The following DYNC1I1 variants were observed in gnomAD, a reference collection of about 807,000 sequenced individuals.
The protein encoded by DYNC1I1 is cytoplasmic dynein 1 intermediate chain 1.
In DYNC1I1, 43 loss-of-function variants were observed where a neutral mutation model predicts 86.6. The ratio of observed to expected loss-of-function variants is 0.50; its 90% confidence interval spans 0.39 to 0.64. DYNC1I1 has a LOEUF of 0.64. Among genes scored for constraint, DYNC1I1 ranks in the 30% least tolerant of loss-of-function variants. The pLI is 0.00. For synonymous variants in DYNC1I1, 262 were observed against 283.7 expected (o/e 0.92, Z 0.77); for missense variants, 604 against 788.8 (o/e 0.77, Z 2.81).
intron 1 of DYNC1I1, among the ~76,000 whole-genome samples, chr7:95,790,532 A>G (rs1043657474): frequency 2.0e-5 from 3 of 152,212 alleles, no homozygotes; most frequent in African/African-American, 7.2e-5. Context: ...TCTTGTGAGC[A>G]AGGTGGTAAC....
chr7:95,987,023 C>T (rs1264641433), intron 8 of DYNC1I1, 33 bp from the exon 9 acceptor site: 26 of 1,591,152 alleles, frequency 1.6e-5, no homozygotes, highest in Non-Finnish European at 2.2e-5. Context: ...AGAAAGAGCT[C>T]CATATTTATC....
intron 7 of DYNC1I1, among the ~76,000 whole-genome samples, chr7:95,982,039 T>A (rs149170157): frequency 6.6e-6 from 1 of 152,174 alleles, no homozygotes; most frequent in South Asian, 2.1e-4. Flanking sequence ...GAGGTTTTTA[T>A]CTCTGAATAC....
intron 9 of DYNC1I1, among the ~76,000 whole-genome samples, chr7:95,989,954 A>C (rs541479535): frequency 6.6e-6 from 1 of 152,186 alleles, no homozygotes; most frequent in Non-Finnish European, 1.5e-5. Flanking sequence ...TTAAGAAAGA[A>C]GAGAGATAGA....
chr7:95,894,467 G>A (rs372359050), intron 6 of DYNC1I1, among the ~76,000 whole-genome samples: 2 of 146,470 alleles, frequency 1.4e-5, no homozygotes, highest in East Asian at 4.0e-4. Flanking sequence ...TTGGGGGGGG[G>A]ACATAAACAT....
chr7:95,931,380 C>A (rs895225415), intron 6 of DYNC1I1, among the ~76,000 whole-genome samples: 2 of 152,154 alleles, frequency 1.3e-5, no homozygotes, highest in African/African-American at 4.8e-5. Flanking sequence ...AAACTCCTGG[C>A]CTCAAGTGAT....
chr7:95,825,288 G>C (rs997101226), intron 4 of DYNC1I1, among the ~76,000 whole-genome samples: 1 of 152,154 alleles, frequency 6.6e-6, no homozygotes, highest in Non-Finnish European at 1.5e-5. Context: ...ATAAGTATCA[G>C]AAGAGCCAGA....
rs776722871 is a variant in DYNC1I1, at chr7:96,039,301, T to C, written c.1389T>C (p.Phe463=). Reference sequence around the variant, plus strand: ...GCAAAGCAGGTATTGGTGAGGTCTTTGAAGGTCACCAAGGGCCAGTGACAG... The same window carrying C: ...GCAAAGCAGGTATTGGTGAGGTCTTCGAAGGTCACCAAGGGCCAGTGACAG... ...HGSKAGIGEV[F]EGHQGPVTGI... The change falls in exon 14 of 17, where the codon TTT becomes TTC. Residue 463 remains phenylalanine, a synonymous_variant. Transcript: ENST00000447467. The C allele has an allele frequency of 4.3e-6, 7 of 1,613,952 alleles. No individual in the cohort carries two copies. The Admixed American group carries it at 1.2e-4, about 27-fold the overall frequency.
At chr7:95,829,875 T>C (rs1271473721) in intron 5 of DYNC1I1, among the ~76,000 whole-genome samples, 1 of 152,056 alleles carries the variant, frequency 6.6e-6, no homozygotes, top group Non-Finnish European at 1.5e-5. Flanking sequence ...TTATTATTCA[T>C]TTTGAATTCC....
intron 16 of DYNC1I1, among the ~76,000 whole-genome samples, chr7:96,085,003 G>A (rs1790637434): frequency 6.6e-6 from 1 of 152,146 alleles, no homozygotes; most frequent in African/African-American, 2.4e-5. Context: ...ACTGCTGTGA[G>A]CACTGATGGA....
At chr7:95,778,158 T>C (rs1793893902) in intron 1 of DYNC1I1, among the ~76,000 whole-genome samples, 1 of 152,226 alleles carries the variant, frequency 6.6e-6, no homozygotes, top group South Asian at 2.1e-4. Flanking sequence ...TTTGTTTGTT[T>C]GTTTAGTTTA....
rs183767030 is a variant in DYNC1I1 at position 96,027,272 on chromosome 7, G to A, written c.970-903G>A. 1.8e-3 allele frequency among the ~76,000 whole-genome samples: 280 copies of A among 152,228 alleles called. 2 individuals are homozygous for A. The highest frequency in any genetic ancestry group is 1.7e-3 in the Non-Finnish European group (118 of 68,006). On this transcript the variant is annotated intron_variant, in intron 10 of 16. Transcript: ENST00000447467. ...AGTGACTTCATTTAATTTAATTAAG[G>A]CATGAAATGTATTGACTAAAAACAA...
At chr7:95,799,347 G>A (rs765148654) in intron 1 of DYNC1I1, among the ~76,000 whole-genome samples, 121 of 152,068 alleles carry the variant, frequency 8.0e-4, no homozygotes, top group Non-Finnish European at 1.4e-3. Context: ...CCACTGCACT[G>A]CAGCCTGGGT....
At chr7:96,043,180 A>AAAG (rs1789109616) in intron 14 of DYNC1I1, among the ~76,000 whole-genome samples, 1 of 151,548 alleles carries the variant, frequency 6.6e-6, no homozygotes, top group African/African-American at 2.4e-5. Flanking sequence ...AAAAAAAAAA[A>AAAG]AAAGAAAGAA....
chr7:96,089,749 T>C (rs952777792), intron 16 of DYNC1I1, among the ~76,000 whole-genome samples: 8 of 152,278 alleles, frequency 5.3e-5, no homozygotes, highest in South Asian at 2.1e-4. Context: ...AAAATACCTC[T>C]TTTGTGCCCA....
chr7:95,824,219 G>A (rs2690284), intron 4 of DYNC1I1, among the ~76,000 whole-genome samples: 3,101 of 151,204 alleles, frequency 0.021, 48 homozygotes, highest in Non-Finnish European at 0.031. Context: ...CTTGGAACCC[G>A]TGGGCTTCAG....
At chr7:95,989,782 G>A (rs186889343) in intron 9 of DYNC1I1, among the ~76,000 whole-genome samples, 217 of 152,258 alleles carry the variant, frequency 1.4e-3, no homozygotes, top group African/African-American at 4.8e-3. Flanking sequence ...GTGGGGAAGA[G>A]GTTTGCAATT....
chr7:95,857,415 G>A (rs1019276583), intron 5 of DYNC1I1, among the ~76,000 whole-genome samples: 4 of 152,168 alleles, frequency 2.6e-5, no homozygotes, highest in African/African-American at 7.2e-5. Flanking sequence ...TGACAGATAT[G>A]TTATTCTCTA....
chr7:96,039,442 A>G (rs757831217), intron 14 of DYNC1I1, 21 bp downstream of exon 14: 1 of 1,613,624 alleles, frequency 6.2e-7, no homozygotes, highest in Admixed American at 1.7e-5. Flanking sequence ...CTTGACTGAA[A>G]TTCTCAGATA....
intron 16 of DYNC1I1, among the ~76,000 whole-genome samples, chr7:96,103,501 C>A (rs1296330816): frequency 6.6e-6 from 1 of 152,208 alleles, no homozygotes; most frequent in Admixed American, 6.5e-5. Flanking sequence ...AATATAACCA[C>A]CTGAGTGATA....
Sources: allele counts gnomAD v4.1 joint callset (sites outside exome capture counted in the v4.1 genomes callset), GRCh38; gene constraint gnomAD v4.1.1; transcripts MANE v1.5; gene names NCBI Gene and HGNC (gene_info 2026-07-23, HGNC 2026-07-21).